Variants in ARNT2 observed in about 807,000 individuals in gnomAD.
ARNT2 encodes the protein ARNT protein 2.
In ARNT2, 36 loss-of-function variants were observed where a neutral mutation model predicts 91.7. The ratio of observed to expected loss-of-function variants is 0.39; its 90% CI spans 0.30 to 0.52. The LOEUF (loss-of-function observed/expected upper bound fraction) is 0.52, where lower values mean the gene tolerates loss of function less well. Among genes scored for constraint, ARNT2 ranks in the 20% least tolerant of loss-of-function variants. The pLI, the probability that ARNT2 is intolerant of heterozygous loss-of-function variation, is 0.72. For missense variants in ARNT2, 775 were observed against 939.3 expected (o/e 0.83, Z 2.29); for synonymous variants, 365 against 347.1 (o/e 1.05, Z -0.57).
intron 2 of ARNT2, among the ~76,000 whole-genome samples, chr15:80,454,431 A>AACTATTTTCAAGTTACTTATAGCCAATGG (rs1246154283): frequency 1.4e-4 from 22 of 152,236 alleles, no homozygotes; most frequent in African/African-American, 5.3e-4. Context: ...ACTGAGGAAA[A>AACTATTTTCAAGTTACTTATAGCCAATGG]ACTATTTTCA....
chr15:80,468,152 G>GCA (rs1896684130), intron 3 of ARNT2, among the ~76,000 whole-genome samples: 1 of 152,068 alleles, frequency 6.6e-6, no homozygotes, highest in Admixed American at 6.5e-5. Context: ...TGGACCAACG[G>GCA]CATTTGTGCC....
chr15:80,443,460 G>T (rs574896178), intron 1 of ARNT2, among the ~76,000 whole-genome samples: 1 of 151,930 alleles, frequency 6.6e-6, no homozygotes, highest in Non-Finnish European at 1.5e-5. Context: ...GGTCAGGGGC[G>T]TCCTGAGGCA....
At chr15:80,528,096 G>A (rs780228047) in intron 8 of ARNT2, among the ~76,000 whole-genome samples, 19 of 152,190 alleles carry the variant, frequency 1.2e-4, no homozygotes, top group Admixed American at 2.0e-4. Context: ...CTGTGAGGCC[G>A]AACTAGGGCA....
At position 80,576,941 on chromosome 15, in the gene ARNT2, C is replaced by A. The variant is rs771365661; in HGVS notation, c.1589C>A (p.Ser530Tyr). 39 of 1,614,008 alleles carry A rather than the reference C, an allele frequency of 2.4e-5. No homozygotes were observed. The highest frequency in any genetic ancestry group is 3.1e-5 in the Non-Finnish European group (37 of 1,180,050). The stretch of plus-strand genomic sequence containing the variant: ...TACTCCCAAGGAAGCCCATTTCCCT[C>A]TGGACACTCCGGGAAGGCCTTCAGG... ...QIYSQGSPFP[S>Y]GHSGKAFSSS... Residue 530 changes from serine (S) to tyrosine (Y), a missense_variant, in exon 15 of 19, where the codon TCT becomes TAT. Coordinates refer to ENST00000303329, the MANE Select transcript of ARNT2 (RefSeq NM_014862.4).
intron 3 of ARNT2, among the ~76,000 whole-genome samples, chr15:80,469,646 T>G (rs1252820938): frequency 6.6e-6 from 1 of 151,944 alleles, no homozygotes; most frequent in Non-Finnish European, 1.5e-5. Flanking sequence ...ATGTACAGAT[T>G]CATGTGTGCA....
At chr15:80,469,904 C>T (rs377458237) in intron 3 of ARNT2, among the ~76,000 whole-genome samples, 5 of 152,306 alleles carry the variant, frequency 3.3e-5, no homozygotes, top group East Asian at 1.9e-4. Flanking sequence ...TGTGAGCCAC[C>T]GTGCCCAGCC....
chr15:80,471,242 C>T (rs958335000), intron 4 of ARNT2, among the ~76,000 whole-genome samples: 1 of 152,204 alleles, frequency 6.6e-6, no homozygotes, highest in Non-Finnish European at 1.5e-5. Flanking sequence ...ATGGATGGAG[C>T]TGGAGGCCAC....
Position 80,552,410 on chromosome 15 carries a change from C to G in ARNT2, c.955-230C>G, listed in dbSNP as rs565065929. 5.3e-5 allele frequency among the ~76,000 whole-genome samples: 8 copies of G among 152,260 alleles called. No homozygotes were observed. The East Asian group carries it at 1.4e-3, about 26-fold the overall frequency. ...CTGTGAGATTATAGGTTTTATTATT[C>G]CCATTGGTTGATAAGGCAACTGAAG... On this transcript the variant is annotated intron_variant, in intron 9 of 18. Transcript: ENST00000303329.
At chr15:80,556,763 T>A (rs1169012995) in intron 11 of ARNT2, 1 of 152,074 alleles carries the variant, frequency 6.6e-6, no homozygotes. Flanking sequence ...ATGTTACAGG[T>A]GAGTGTAGTG....
chr15:80,418,504 C>G (rs1288023688), intron 1 of ARNT2, among the ~76,000 whole-genome samples: 1 of 152,224 alleles, frequency 6.6e-6, no homozygotes, highest in African/African-American at 2.4e-5. Context: ...TGCAGACCAG[C>G]AATGCCCTAA....
At chr15:80,568,980 C>T (rs1898535660) in intron 12 of ARNT2, among the ~76,000 whole-genome samples, 1 of 152,162 alleles carries the variant, frequency 6.6e-6, no homozygotes. Flanking sequence ...CTGGACCGTG[C>T]TGCTCCCTGC....
chr15:80,464,884 C>G (rs7180520), intron 3 of ARNT2, among the ~76,000 whole-genome samples: 63,333 of 152,002 alleles, frequency 0.42, 13,815 homozygotes, highest in African/African-American at 0.54. Flanking sequence ...ACCAGAGGCT[C>G]CTGACAGCTG....
intron 1 of ARNT2, chr15:80,433,871 G>A (rs1030193942): frequency 6.6e-6 from 1 of 151,852 alleles, no homozygotes; most frequent in Non-Finnish European, 1.5e-5. Context: ...TAGACGAAAA[G>A]GGCATGATCC....
chr15:80,499,262 C>T (rs1362092706), intron 5 of ARNT2, among the ~76,000 whole-genome samples: 1 of 152,242 alleles, frequency 6.6e-6, no homozygotes, highest in Non-Finnish European at 1.5e-5. Context: ...CTTCTCCCCG[C>T]TGCATCTTGG....
At chr15:80,408,386 C>T (rs1264006873) in intron 1 of ARNT2, among the ~76,000 whole-genome samples, 1 of 152,082 alleles carries the variant, frequency 6.6e-6, no homozygotes, top group Admixed American at 6.5e-5. Flanking sequence ...TCATGGGGAG[C>T]CAGAGGAAGT....
intron 18 of ARNT2, among the ~76,000 whole-genome samples, chr15:80,593,002 A>C (rs564720113): frequency 1.3e-5 from 2 of 152,222 alleles, no homozygotes; most frequent in Non-Finnish European, 2.9e-5. Context: ...TTTCTCACAG[A>C]GTATCACATG....
At position 80,415,854 on chromosome 15, in the gene ARNT2, G is replaced by A. The variant is rs546483653; in HGVS notation, c.31+11308G>A. Among the ~76,000 whole-genome samples the A allele has an allele frequency of 3.9e-5, 6 of 152,236 alleles. No homozygotes were observed. The South Asian group carries it at 1.2e-3, about 32-fold the overall frequency. ...AGATCCAGATATTTTGGGCTTTTTG[G>A]TGGGGGTTGGGGGAAGATCAGGCGT... On this transcript the variant is annotated intron_variant, in intron 1 of 18. Transcript: ENST00000303329.
At chr15:80,489,228 G>T (rs959773699) in intron 5 of ARNT2, among the ~76,000 whole-genome samples, 18 of 152,224 alleles carry the variant, frequency 1.2e-4, no homozygotes, top group African/African-American at 4.1e-4. Flanking sequence ...ATTTCCCTCT[G>T]AAATGTCATG....
intron 1 of ARNT2, among the ~76,000 whole-genome samples, chr15:80,409,877 A>G (rs1895656164): frequency 6.6e-6 from 1 of 152,184 alleles, no homozygotes; most frequent in Admixed American, 6.5e-5. Flanking sequence ...GAGCCCCTTC[A>G]AAGGCCCTGA....
Sources: gnomAD v4.1 joint callset for allele counts (sites outside exome capture counted in the v4.1 genomes callset) on GRCh38, gnomAD v4.1.1 for gene constraint, MANE v1.5 for transcripts, NCBI Gene and HGNC (gene_info 2026-07-23, HGNC 2026-07-21) for gene names.